OR4M1: variants seen among roughly 807,000 people sequenced by gnomAD.
OR4M1 encodes the protein olfactory receptor family 4 subfamily M member 1.
Under a neutral mutation model 9.8 loss-of-function variants are expected in OR4M1, and 7 were observed. That is an observed-to-expected ratio of 0.71 (90% CI 0.41 to 1.34). The LOEUF (loss-of-function observed/expected upper bound fraction) is 1.34. Ranked by LOEUF, OR4M1 falls within the 40% of genes most tolerant of loss-of-function variation. OR4M1 has a pLI of 0.01. For missense variants in OR4M1, 331 were observed against 380.4 expected (o/e 0.87, Z 1.08); for synonymous variants, 121 against 139.8 (o/e 0.87, Z 0.95).
chr14:19,778,430 T>C (rs1221869942), intron 1 of OR4M1, among the ~76,000 whole-genome samples: 2 of 152,240 alleles, frequency 1.3e-5, no homozygotes, highest in Non-Finnish European at 2.9e-5. Flanking sequence ...TAATGGTATT[T>C]ACCGCTTTAA....
At chr14:19,777,049 T>TATATATATATAG (rs58150334) in intron 1 of OR4M1, among the ~76,000 whole-genome samples, 2 of 115,768 alleles carry the variant, frequency 1.7e-5, no homozygotes, top group African/African-American at 3.5e-5. Context: ...TATATATATA[T>TATATATATATAG]TGTTTGTTTG....
chr14:19,782,121 T>C lies in OR4M1; in HGVS notation c.*857T>C, dbSNP rs556533609. On this transcript the variant is annotated 3_prime_UTR_variant, in exon 2 of 2. Coordinates refer to ENST00000641200, the MANE Select transcript of OR4M1 (RefSeq NM_001005500.2). Reference sequence around the variant, plus strand: ...TCTCCTTTGCCACTTTTGTATGTTTTCCGTAATTGCTAATCCTGCCTCTCA... The same window carrying C: ...TCTCCTTTGCCACTTTTGTATGTTTCCCGTAATTGCTAATCCTGCCTCTCA... 1 of 152,406 alleles carries C rather than the reference T, an allele frequency of 6.6e-6. No individual in the cohort carries two copies. The highest frequency in any genetic ancestry group is 2.1e-4 in the South Asian group (1 of 4,832). 9.4% of individuals were successfully genotyped at this position (152,406 alleles called of 1,614,324 possible). A position where few individuals can be genotyped will look rare whatever the true frequency, so the allele number is the denominator to read the frequency against.
rs1466059137 is a variant in OR4M1 at position 19,783,599 on chromosome 14, G to A, written c.*2335G>A. On this transcript the variant is annotated 3_prime_UTR_variant, in exon 2 of 2. Transcript: ENST00000641200. ...GCAATCACATACAAAATATGCCTCA[G>A]GACTCCTTTTCCCTATATAACTCCT... is the stretch of plus-strand genomic sequence containing the variant. 2 of 152,298 alleles carry A rather than the reference G, an allele frequency of 1.3e-5. No homozygotes were observed. The highest frequency in any genetic ancestry group is 1.5e-5 in the Non-Finnish European group (1 of 68,090). The allele number at this position is 152,298 out of a possible 1,614,324, so 9.4% of individuals were successfully genotyped here.
Position 19,780,791 on chromosome 14 carries a change from A to C in OR4M1, c.469A>C (p.Ile157Leu), listed in dbSNP as rs773544136. The C allele has an allele frequency of 6.2e-7, 1 of 1,614,212 alleles. No homozygotes were observed. The highest frequency in any genetic ancestry group is 8.5e-7 in the Non-Finnish European group (1 of 1,180,036). ...CTGGATGGGGGGCTTCATTCATTCT[A>C]TAATACAGGTGGCTCTCATTGTTCG... ...LSWMGGFIHS[I>L]IQVALIVRLP... is the part of the protein sequence containing the mutation. The change falls in exon 2 of 2, where the codon ATA becomes CTA. Residue 157 changes from isoleucine (I) to leucine (L), a missense_variant. Physicochemically the swap from Ile to Leu is conservative, Grantham distance 5 (BLOSUM62 2). Around this residue, in one of 2 missense-constraint regions of OR4M1, gnomAD observed 209 missense variants for 200.0 expected, o/e 1.04. Transcript: ENST00000641200.
chr14:19,778,942 A>G (rs1202593952), intron 1 of OR4M1, among the ~76,000 whole-genome samples: 1 of 152,200 alleles, frequency 6.6e-6, no homozygotes, highest in South Asian at 2.1e-4. Flanking sequence ...CCTTTTCTAA[A>G]TAGTCCCACA....
At chr14:19,774,825 G>A (rs1878262436) in intron 1 of OR4M1, among the ~76,000 whole-genome samples, 1 of 152,242 alleles carries the variant, frequency 6.6e-6, no homozygotes, top group Admixed American at 6.5e-5. Context: ...GCACATTGAG[G>A]CAGAGGTATG....
At chr14:19,776,005 G>A (rs960087405) in intron 1 of OR4M1, among the ~76,000 whole-genome samples, 2 of 152,018 alleles carry the variant, frequency 1.3e-5, no homozygotes, top group African/African-American at 2.4e-5. Flanking sequence ...TGACACTCGA[G>A]GTCCCTGGGT....
chr14:19,780,740 C>T lies in OR4M1; in HGVS notation c.418C>T (p.Leu140Phe). The T allele has an allele frequency of 6.2e-7, 1 of 1,614,258 alleles. No individual in the cohort carries two copies. The highest frequency in any genetic ancestry group is 8.5e-7 in the Non-Finnish European group (1 of 1,180,040). The stretch of plus-strand genomic sequence containing the variant: ...CTATGCTACCATCATGAATCGACGT[C>T]TCTGCTGTATCCTGGTGGCTCTCTC... Reference protein sequence around the residue: ...LHYATIMNRRLCCILVALSWM... With the variant: ...LHYATIMNRRFCCILVALSWM... Residue 140 changes from leucine to phenylalanine, a missense_variant, in exon 2 of 2, where the codon CTC becomes TTC. Leu to Phe is a conservative substitution (Grantham distance 22, BLOSUM62 0). Coordinates refer to ENST00000641200, the MANE Select transcript of OR4M1 (RefSeq NM_001005500.2).
At position 19,782,869 on chromosome 14, in the gene OR4M1, A is replaced by T. The variant is rs559444309; in HGVS notation, c.*1605A>T. The T allele has an allele frequency of 1.3e-5, 2 of 151,802 alleles. No individual in the cohort carries two copies. Among genetic ancestry groups the T allele is most frequent in the Non-Finnish European group, 2.9e-5 (2 of 67,894 alleles). 9.4% of individuals were successfully genotyped at this position (151,802 alleles called of 1,614,324 possible). On this transcript the variant is annotated 3_prime_UTR_variant, in exon 2 of 2. Transcript: ENST00000641200. ...TAAAGTACAAAAGATATATATATAT[A>T]ATATGATAAAATGATGAGTTATGTT...
chr14:19,776,460 G>A (rs542294350), intron 1 of OR4M1, among the ~76,000 whole-genome samples: 1 of 152,324 alleles, frequency 6.6e-6, no homozygotes, highest in East Asian at 1.9e-4. Flanking sequence ...CGTCCCTGTA[G>A]ATTAAGAATG....
chr14:19,775,014 G>T (rs1217765811), intron 1 of OR4M1, among the ~76,000 whole-genome samples: 1 of 152,216 alleles, frequency 6.6e-6, no homozygotes, highest in Non-Finnish European at 1.5e-5. Flanking sequence ...AAGATGGGCG[G>T]TCAGAGGTGC....
intron 1 of OR4M1, among the ~76,000 whole-genome samples, chr14:19,775,026 T>C (rs1331388491): frequency 6.6e-6 from 1 of 152,240 alleles, no homozygotes; most frequent in Non-Finnish European, 1.5e-5. Flanking sequence ...CAGAGGTGCC[T>C]TCTTACATCC....
chr14:19,778,471 C>G lies in OR4M1; in HGVS notation c.-29-1823C>G, dbSNP rs181274004. Among the ~76,000 whole-genome samples the G allele has an allele frequency of 3.0e-3, 454 of 152,262 alleles. 4 individuals are homozygous for G. The highest frequency in any genetic ancestry group is 1.9e-3 in the Admixed American group (29 of 15,294). ...TCACCTCCTTTCAATAATAAAGGGA[C>G]AATTATTTACTTAGGAAAAAATAAT... On this transcript the variant is annotated intron_variant, in intron 1 of 1. Coordinates refer to ENST00000641200, the MANE Select transcript of OR4M1 (RefSeq NM_001005500.2).
At chr14:19,777,007 CATATATATATATATATATATATATATA>C (rs1349315666) in intron 1 of OR4M1, among the ~76,000 whole-genome samples, 1 of 45,928 alleles carries the variant, frequency 2.2e-5, no homozygotes, top group African/African-American at 9.4e-5. Context: ...TTGTTTAAGC[CATATATATATATATATATATATATATA>C]TATATATATA....
intron 1 of OR4M1, among the ~76,000 whole-genome samples, chr14:19,779,735 G>T (rs563329928): frequency 4.6e-5 from 7 of 152,336 alleles, no homozygotes; most frequent in African/African-American, 1.7e-4. Flanking sequence ...TGTTACCAAG[G>T]ATTAAGCTAT....
In OR4M1 at chr14:19,782,886, A is replaced by G. The variant is rs1179631972; in HGVS notation, c.*1622A>G. 5 of 152,080 alleles carry G rather than the reference A, an allele frequency of 3.3e-5. No individual in the cohort carries two copies. The East Asian group carries it at 9.7e-4, about 29-fold the overall frequency. The allele number at this position is 152,080 out of a possible 1,614,324, so 9.4% of individuals were successfully genotyped here. On this transcript the variant is annotated 3_prime_UTR_variant, in exon 2 of 2. Coordinates refer to ENST00000641200, the MANE Select transcript of OR4M1 (RefSeq NM_001005500.2). Reference sequence around the variant, plus strand: ...ATATATATAATATGATAAAATGATGAGTTATGTTTCTAAATCTTTTATCAT... The same window carrying G: ...ATATATATAATATGATAAAATGATGGGTTATGTTTCTAAATCTTTTATCAT...
chr14:19,777,049 T>TATA lies in OR4M1; in HGVS notation c.-29-3245_-29-3244insATA, dbSNP rs58150334. Among the ~76,000 whole-genome samples, 150 of 115,526 alleles carry TATA rather than the reference T, an allele frequency of 1.3e-3. 1 individual carries two copies. The highest frequency in any genetic ancestry group is 2.4e-3 in the South Asian group (9 of 3,726). The allele number at this position is 115,526 out of a possible 152,430, so 75.8% of individuals were successfully genotyped here. A position where few individuals can be genotyped will look rare whatever the true frequency, so the allele number is the denominator to read the frequency against. Reference sequence around the variant, plus strand: ...ATATATATATATATATATATATATATTGTTTGTTTGTTTTTCCTGTAATGT... The same window carrying TATA: ...ATATATATATATATATATATATATATATATGTTTGTTTGTTTTTCCTGTAATGT... On this transcript the variant is annotated intron_variant, in intron 1 of 1. Coordinates refer to ENST00000641200, the MANE Select transcript of OR4M1 (RefSeq NM_001005500.2).
At chr14:19,774,030 T>C (rs367767178) in intron 1 of OR4M1, among the ~76,000 whole-genome samples, 2 of 152,244 alleles carry the variant, frequency 1.3e-5, no homozygotes, top group East Asian at 1.9e-4. Flanking sequence ...GATCTTTAGT[T>C]ACTTCTTCTT....
chr14:19,774,629 C>G (rs1984439), intron 1 of OR4M1, among the ~76,000 whole-genome samples: 1 of 152,016 alleles, frequency 6.6e-6, no homozygotes, highest in African/African-American at 2.4e-5. Context: ...ATATACAAAA[C>G]TCATACAAAA....
Sources: gnomAD v4.1 joint callset for allele counts (sites outside exome capture counted in the v4.1 genomes callset) on GRCh38, gnomAD v4.1.1 for gene constraint, gnomAD v4.1.1 regional missense constraint, MANE v1.5 for transcripts, NCBI Gene and HGNC (gene_info 2026-07-23, HGNC 2026-07-21) for gene names.